The following BLTP1 variants were observed in gnomAD, a reference collection of about 807,000 sequenced individuals.
BLTP1 encodes the protein fragile site-associated protein.
At chr4:122,281,577 C>A in the BLTP1 span, 1 of 1,611,584 alleles carries the variant, frequency 6.2e-7, no homozygotes, top group Admixed American at 1.7e-5. Flanking sequence ...CCACTACCTT[C>A]TGAAAAAACC....
the BLTP1 span, chr4:122,224,300 A>C: frequency 3.5e-6 from 1 of 286,114 alleles, no homozygotes; most frequent in Non-Finnish European, 5.2e-6. Context: ...TTGGACTCTC[A>C]TAGGTATTGT....
the BLTP1 span, among the ~76,000 whole-genome samples, chr4:122,287,141 G>C: frequency 1.3e-5 from 2 of 152,180 alleles, no homozygotes; most frequent in Non-Finnish European, 2.9e-5. Context: ...TAAATCCTAT[G>C]AGGTAGAAAT....
the BLTP1 span, among the ~76,000 whole-genome samples, chr4:122,332,247 A>AT: frequency 6.6e-6 from 1 of 151,850 alleles, no homozygotes; most frequent in Non-Finnish European, 1.5e-5. Flanking sequence ...AAAATATTTA[A>AT]TTGAGGCTTT....
chr4:122,227,280 T>A, the BLTP1 span: 3 of 988,086 alleles, frequency 3.0e-6, no homozygotes, highest in African/African-American at 3.5e-5. Context: ...TGACTCCACA[T>A]GTTATGCTCT....
the BLTP1 span, among the ~76,000 whole-genome samples, chr4:122,357,688 A>G: frequency 6.6e-6 from 1 of 152,204 alleles, no homozygotes; most frequent in East Asian, 1.9e-4. Context: ...GAATGCTTAC[A>G]AAATATATGG....
chr4:122,219,480 A>G, the BLTP1 span: 1 of 1,614,116 alleles, frequency 6.2e-7, no homozygotes, highest in Non-Finnish European at 8.5e-7. Flanking sequence ...ATGAAGGTTC[A>G]GCCAAGTCAA....
chr4:122,237,165 G>A, the BLTP1 span: 1 of 985,214 alleles, frequency 1.0e-6, no homozygotes, highest in Non-Finnish European at 1.2e-6. Context: ...TGTTCACAGA[G>A]ATGTTTTTTT....
the BLTP1 span, chr4:122,256,655 T>A: frequency 6.4e-6 from 1 of 156,560 alleles, no homozygotes; most frequent in Non-Finnish European, 1.4e-5. Flanking sequence ...TAGACTAAGG[T>A]AACAGGAAAA....
At chr4:122,248,248 CT>C in the BLTP1 span, 1 of 339,510 alleles carries the variant, frequency 2.9e-6, no homozygotes, top group Non-Finnish European at 4.2e-6. Context: ...AGTGAAGACA[CT>C]TTTATCAGCT....
the BLTP1 span, chr4:122,201,107 A>G: frequency 1.2e-6 from 2 of 1,612,012 alleles, no homozygotes; most frequent in Non-Finnish European, 1.7e-6. Context: ...TCATCTTTGC[A>G]CAGAAAAACT....
the BLTP1 span, chr4:122,344,345 T>C: frequency 6.2e-7 from 1 of 1,605,644 alleles, no homozygotes; most frequent in Non-Finnish European, 8.5e-7. Context: ...TATGTATATA[T>C]AGATGTGGGG....
chr4:122,239,613 G>T, the BLTP1 span: 6 of 1,614,088 alleles, frequency 3.7e-6, no homozygotes, highest in South Asian at 4.4e-5. Context: ...GAAACGACAA[G>T]CCTCTGTCTG....
At chr4:122,335,961 C>A in the BLTP1 span, 1 of 353,142 alleles carries the variant, frequency 2.8e-6, no homozygotes, top group Non-Finnish European at 5.1e-6. Flanking sequence ...AAAAACTGGA[C>A]CAAAACTTGT....
At chr4:122,197,220 G>A in the BLTP1 span, 1 of 1,444,926 alleles carries the variant, frequency 6.9e-7, no homozygotes, top group Non-Finnish European at 9.4e-7. Context: ...ACATGTAAAT[G>A]TAGGAGCTGG....
the BLTP1 span, chr4:122,190,351 C>G: frequency 1.8e-5 from 15 of 820,930 alleles, no homozygotes; most frequent in Non-Finnish European, 1.9e-5. Context: ...CTGCCTCATT[C>G]TCCCAAAGTG....
chr4:122,245,672 A>C, the BLTP1 span, among the ~76,000 whole-genome samples: 1 of 152,152 alleles, frequency 6.6e-6, no homozygotes, highest in Non-Finnish European at 1.5e-5. Context: ...TTGATTTTCA[A>C]ATTTATCTGG....
At chr4:122,182,006 T>G in the BLTP1 span, among the ~76,000 whole-genome samples, 1 of 152,154 alleles carries the variant, frequency 6.6e-6, no homozygotes, top group Non-Finnish European at 1.5e-5. Flanking sequence ...GAATCTTTTT[T>G]TCTATTGAAA....
At chr4:122,219,533 T>C in the BLTP1 span, 13 of 1,613,986 alleles carry the variant, frequency 8.1e-6, no homozygotes, top group Non-Finnish European at 9.3e-6. Flanking sequence ...ACTGTACTTG[T>C]TAATTTGTAC....
the BLTP1 span, chr4:122,231,518 C>T: frequency 5.4e-6 from 2 of 367,106 alleles, no homozygotes; most frequent in South Asian, 1.1e-4. Context: ...TTTTTGTGAT[C>T]TCTGTTGCTA....
Sources: allele counts gnomAD v4.1 joint callset (sites outside exome capture counted in the v4.1 genomes callset), GRCh38; gene constraint gnomAD v4.1.1; transcripts MANE v1.5; gene names NCBI Gene and HGNC (gene_info 2026-07-23, HGNC 2026-07-21).